The following ARHGEF38 variants were observed in gnomAD, a reference collection of about 807,000 sequenced individuals.
The protein encoded by ARHGEF38 is Rho guanine nucleotide exchange factor (GEF) 38.
In ARHGEF38, 79 loss-of-function variants were observed where a neutral mutation model predicts 79.9. The ratio of observed to expected loss-of-function variants is 0.99; its 90% CI spans 0.82 to 1.19. The LOEUF is 1.19. Ranked by LOEUF, ARHGEF38 falls within the 50% of genes most tolerant of loss-of-function variation. The pLI, the probability that ARHGEF38 is intolerant of heterozygous loss-of-function variation, is 0.00. For synonymous variants in ARHGEF38, 366 were observed against 328.3 expected (o/e 1.11, Z -1.24); for missense variants, 962 against 907.2 (o/e 1.06, Z -0.78).
intron 1 of ARHGEF38, among the ~76,000 whole-genome samples, chr4:105,578,824 G>T (rs1450505929): frequency 1.3e-5 from 2 of 152,112 alleles, no homozygotes; most frequent in African/African-American, 4.8e-5. Context: ...CTGGAAGACA[G>T]TTGATATTTG....
chr4:105,616,761 T>G (rs921650686), intron 3 of ARHGEF38, among the ~76,000 whole-genome samples: 1 of 152,114 alleles, frequency 6.6e-6, no homozygotes, highest in East Asian at 1.9e-4. Context: ...TCATTGACCA[T>G]AGACAATCAG....
intron 1 of ARHGEF38, among the ~76,000 whole-genome samples, chr4:105,569,576 C>G (rs1726114693): frequency 6.6e-6 from 1 of 152,160 alleles, no homozygotes; most frequent in Non-Finnish European, 1.5e-5. Context: ...TCTGGTATGT[C>G]AGACATTGAA....
intron 5 of ARHGEF38, among the ~76,000 whole-genome samples, chr4:105,643,766 G>T (rs1418822662): frequency 6.6e-6 from 1 of 151,870 alleles, no homozygotes; most frequent in African/African-American, 2.4e-5. Flanking sequence ...GAATGTATGT[G>T]CATGTGTATT....
intron 1 of ARHGEF38, among the ~76,000 whole-genome samples, chr4:105,570,649 G>T (rs932822247): frequency 7.9e-5 from 12 of 152,150 alleles, no homozygotes; most frequent in Non-Finnish European, 2.9e-5. Context: ...CAGCCTAGGG[G>T]TAACCATCCT....
chr4:105,647,601 T>G (rs1014254961), intron 6 of ARHGEF38, among the ~76,000 whole-genome samples: 4 of 152,224 alleles, frequency 2.6e-5, no homozygotes, highest in African/African-American at 9.6e-5. Context: ...ACTATGAATA[T>G]TTTCCTTTTT....
chr4:105,620,779 A>G (rs967773677), intron 3 of ARHGEF38, among the ~76,000 whole-genome samples: 11 of 152,250 alleles, frequency 7.2e-5, no homozygotes, highest in South Asian at 6.2e-4. Flanking sequence ...ATTAGTCTCC[A>G]AAGATGGCCC....
At chr4:105,595,386 T>G (rs1417202299) in intron 2 of ARHGEF38, among the ~76,000 whole-genome samples, 1 of 152,246 alleles carries the variant, frequency 6.6e-6, no homozygotes, top group Non-Finnish European at 1.5e-5. Context: ...TATATAATTT[T>G]GTATTGACAG....
chr4:105,654,625 T>C (rs1280344777), intron 8 of ARHGEF38, among the ~76,000 whole-genome samples: 1 of 152,228 alleles, frequency 6.6e-6, no homozygotes, highest in African/African-American at 2.4e-5. Flanking sequence ...CATGAGATTA[T>C]GTTAGAAAAC....
chr4:105,591,626 A>C (rs1727345224), intron 2 of ARHGEF38, among the ~76,000 whole-genome samples: 1 of 152,220 alleles, frequency 6.6e-6, no homozygotes, highest in Admixed American at 6.5e-5. Context: ...TTGGTCTAAG[A>C]CAATGTATAA....
At chr4:105,601,074 T>C (rs1372651087) in intron 2 of ARHGEF38, among the ~76,000 whole-genome samples, 1 of 152,168 alleles carries the variant, frequency 6.6e-6, no homozygotes, top group Non-Finnish European at 1.5e-5. Flanking sequence ...AGTCAAATTA[T>C]GTCACTCTTC....
At chr4:105,582,541 T>A (rs1726847909) in intron 1 of ARHGEF38, among the ~76,000 whole-genome samples, 2 of 152,178 alleles carry the variant, frequency 1.3e-5, no homozygotes, top group South Asian at 4.1e-4. Flanking sequence ...CCAAAACAAA[T>A]GAGTCCTAAC....
At position 105,679,215 on chromosome 4, in the gene ARHGEF38, G is replaced by A. The variant is rs183153175; in HGVS notation, c.*1278G>A. 255 of 648,912 alleles carry A rather than the reference G, an allele frequency of 3.9e-4. 1 individual carries two copies. The East Asian group carries it at 6.7e-3, about 17-fold the overall frequency. The allele number at this position is 648,912 out of a possible 1,614,324, so 40.2% of individuals were successfully genotyped here. Reference sequence around the variant, plus strand: ...GGCCTGACCAGCCACTCCTCTGTCTGGAATTAAAAGATGTTTCCATCATAA... The same window carrying A: ...GGCCTGACCAGCCACTCCTCTGTCTAGAATTAAAAGATGTTTCCATCATAA... On this transcript the variant is annotated 3_prime_UTR_variant, in exon 14 of 14. Coordinates refer to ENST00000420470, the MANE Select transcript of ARHGEF38 (RefSeq NM_001242729.2).
intron 13 of ARHGEF38, among the ~76,000 whole-genome samples, chr4:105,672,524 T>C (rs777432943): frequency 6.6e-5 from 10 of 152,240 alleles, no homozygotes; most frequent in Non-Finnish European, 1.0e-4. Context: ...CACGTAAATA[T>C]GCCTTCCCAT....
chr4:105,661,148 A>G (rs1388311423), intron 10 of ARHGEF38, among the ~76,000 whole-genome samples: 2 of 151,896 alleles, frequency 1.3e-5, no homozygotes, highest in Non-Finnish European at 3.0e-5. Flanking sequence ...CATGCCTAGC[A>G]TGTTTCATTA....
chr4:105,590,035 C>G (rs1344129033), intron 2 of ARHGEF38, among the ~76,000 whole-genome samples: 1 of 121,022 alleles, frequency 8.3e-6, no homozygotes, highest in African/African-American at 3.1e-5. Context: ...GAGACTCTGT[C>G]TCAAAAAAAA....
intron 2 of ARHGEF38, among the ~76,000 whole-genome samples, chr4:105,595,548 T>TA (rs1727541122): frequency 6.6e-6 from 1 of 152,216 alleles, no homozygotes; most frequent in African/African-American, 2.4e-5. Flanking sequence ...GCTTATTGTT[T>TA]ATACAAACAT....
rs193235910 is a variant in ARHGEF38, at chr4:105,600,681, C to T, written c.384+11246C>T. 4.2e-3 allele frequency among the ~76,000 whole-genome samples: 636 copies of T among 152,274 alleles called. 7 individuals are homozygous for T. Among genetic ancestry groups the T allele is most frequent in the African/African-American group, 0.014 (594 of 41,556 alleles). On this transcript the variant is annotated intron_variant, in intron 2 of 13. Coordinates refer to ENST00000420470, the MANE Select transcript of ARHGEF38 (RefSeq NM_001242729.2). ...TGTTTCTCCAATTCCCCACTCAAATCTCTACTTAATTGTCTACAAGCCATC... is the reference window on the plus strand; with the variant it reads ...TGTTTCTCCAATTCCCCACTCAAATTTCTACTTAATTGTCTACAAGCCATC...
chr4:105,600,268 T>C (rs1727765479), intron 2 of ARHGEF38, among the ~76,000 whole-genome samples: 1 of 152,158 alleles, frequency 6.6e-6, no homozygotes, highest in South Asian at 2.1e-4. Flanking sequence ...ACGCTAGAAG[T>C]GATCATGACA....
chr4:105,608,689 ATC>A (rs1216443836), intron 2 of ARHGEF38, among the ~76,000 whole-genome samples: 1 of 151,830 alleles, frequency 6.6e-6, no homozygotes, highest in Non-Finnish European at 1.5e-5. Context: ...GTCACCCTGT[ATC>A]TTCTTTCTTT....
Sources: allele counts gnomAD v4.1 joint callset (sites outside exome capture counted in the v4.1 genomes callset), GRCh38; gene constraint gnomAD v4.1.1; transcripts MANE v1.5; gene names NCBI Gene and HGNC (gene_info 2026-07-23, HGNC 2026-07-21).